Variants in BAIAP2L2 observed in about 807,000 individuals in gnomAD.
BAIAP2L2 encodes BAR/IMD domain containing adaptor protein 2 like 2.
In BAIAP2L2, 65 loss-of-function variants were observed where a neutral mutation model predicts 60.4. That is an observed-to-expected ratio of 1.08 (90% CI 0.88 to 1.32). The LOEUF is 1.32. BAIAP2L2 is among the 40% of genes most tolerant of loss of function. The probability of loss-of-function intolerance (pLI) is 0.00; values close to 1 mark genes in which losing one functional copy is unlikely to be tolerated. For synonymous variants in BAIAP2L2, 344 were observed against 301.7 expected, an observed-to-expected ratio of 1.14 and a Z score of -1.45; for missense variants, 836 against 741.2, an observed-to-expected ratio of 1.13 and a Z score of -1.48.
Position 38,098,115 on chromosome 22 carries a change from G to C in BAIAP2L2, c.413C>G (p.Ser138Cys), listed in dbSNP as rs753624045. ...HRAANLEKCM[S>C]ELWRMERKRD... is the part of the protein sequence containing the mutation. ...CTTGCGCTCCATGCGCCACAGCTCA[G>C]ACATGCACTTCTCCAGGTTGGCCGC... Residue 138 changes from serine (S) to cysteine (C), a missense_variant, in exon 6 of 14, where the codon TCT becomes TGT. Physicochemically the swap from Ser to Cys is moderately radical, Grantham distance 112. Coordinates refer to ENST00000381669, the MANE Select transcript of BAIAP2L2 (RefSeq NM_025045.6). 137 of 1,611,716 alleles carry C rather than the reference G, an allele frequency of 8.5e-5. No individual in the cohort carries two copies. Among genetic ancestry groups the C allele is most frequent in the Non-Finnish European group, 1.1e-4 (135 of 1,178,768 alleles).
chr22:38,086,856 T>A (rs561913008), intron 11 of BAIAP2L2, among the ~76,000 whole-genome samples: 1 of 150,408 alleles, frequency 6.6e-6, no homozygotes, highest in Non-Finnish European at 1.5e-5. Flanking sequence ...AGTAGCCAGG[T>A]GTGGTGGTGT....
chr22:38,096,547 C>A (rs1233452642), intron 7 of BAIAP2L2, among the ~76,000 whole-genome samples: 1 of 152,046 alleles, frequency 6.6e-6, no homozygotes. Context: ...CCCAGCTACT[C>A]GGGAGGCTGA....
At chr22:38,098,255 G>T in intron 5 of BAIAP2L2, 76 bp from the exon 6 acceptor site, 1 of 1,535,868 alleles carries the variant, frequency 6.5e-7, no homozygotes, top group Non-Finnish European at 9.0e-7. Flanking sequence ...AGAGATCAGG[G>T]CCCTGGAAGT....
At chr22:38,097,995 G>A (rs1466144731) in intron 6 of BAIAP2L2, 68 bp downstream of exon 6, 22 of 1,128,756 alleles carry the variant, frequency 1.9e-5, no homozygotes, top group African/African-American at 2.9e-5. Context: ...GGTTCCCAGG[G>A]CCCGGTCTCG....
At chr22:38,109,298 A>C in intron 1 of BAIAP2L2, 90 bp from the exon 2 acceptor site, 1 of 1,041,460 alleles carries the variant, frequency 9.6e-7, no homozygotes, top group Non-Finnish European at 1.5e-6. Flanking sequence ...GGCGTCAGGG[A>C]CAGGGCACCC....
At chr22:38,108,670 G>C (rs1338964591) in intron 2 of BAIAP2L2, among the ~76,000 whole-genome samples, 5 of 152,096 alleles carry the variant, frequency 3.3e-5, no homozygotes, top group Admixed American at 3.3e-4. Context: ...TTTGCACGGG[G>C]ACCGAGTGAA....
At position 38,085,267 on chromosome 22, in the gene BAIAP2L2, G is replaced by A. The variant is rs1044700396; in HGVS notation, c.*33C>T. On this transcript the variant is annotated 3_prime_UTR_variant, in exon 14 of 14. Transcript: ENST00000381669. ...GCCAGCTCTGAACAGCCCCTGGGCA[G>A]GTGCACTGTGGGGTACGACCTCGGA... 1.2e-6 allele frequency: 2 copies of A among 1,602,454 alleles called. No individual in the cohort carries two copies. The highest frequency in any genetic ancestry group is 8.5e-7 in the Non-Finnish European group (1 of 1,169,990).
chr22:38,087,210 A>C lies in BAIAP2L2; in HGVS notation c.1173T>G (p.Asn391Lys), dbSNP rs975130668. The C allele has an allele frequency of 4.4e-6, 7 of 1,599,014 alleles. No homozygotes were observed. In the African/African-American group the frequency reaches 9.6e-5, roughly 22 times the overall value. ...YVKALEEGPVNPMTPVTPMTS... is the reference protein window; with the variant it reads ...YVKALEEGPVKPMTPVTPMTS... Reference sequence around the variant, plus strand: ...TCATGGGGGTCACGGGGGTCATGGGATTCACGGGCCCCTCCTCCAGAGCCT... The same window carrying C: ...TCATGGGGGTCACGGGGGTCATGGGCTTCACGGGCCCCTCCTCCAGAGCCT... The change falls in exon 11 of 14, where the codon AAT (asparagine) becomes AAG (lysine). Residue 391 changes from asparagine to lysine, a missense_variant. By Grantham distance (94) the Asn-to-Lys change is moderately conservative. Transcript: ENST00000381669.
rs1395740117 is a variant in BAIAP2L2, at chr22:38,086,323, ACGGCTTGGCACC to A, written c.1374_1385del (p.Val459_Arg462del). 1 of 1,578,444 alleles carries A rather than the reference ACGGCTTGGCACC, an allele frequency of 6.3e-7. No homozygotes were observed. Among genetic ancestry groups the A allele is most frequent in the Non-Finnish European group, 8.6e-7 (1 of 1,157,560 alleles). ...AGGGTGGAGGTGCAGGGCTGGGGGC[ACGGCTTGGCACC>A]CGGCTTGGGGTGCGGGAGCGGGACT... On this transcript the variant is annotated inframe_deletion, in exon 12 of 14. Transcript: ENST00000381669.
chr22:38,104,781 C>T (rs1423590962), intron 4 of BAIAP2L2, among the ~76,000 whole-genome samples: 1 of 152,146 alleles, frequency 6.6e-6, no homozygotes, highest in Non-Finnish European at 1.5e-5. Flanking sequence ...CAGGCGTGAG[C>T]CACCACACCC....
At chr22:38,098,770 A>AT (rs2086503164) in intron 4 of BAIAP2L2, among the ~76,000 whole-genome samples, 2 of 152,126 alleles carry the variant, frequency 1.3e-5, no homozygotes, top group South Asian at 4.1e-4. Context: ...TTGTGCTTTG[A>AT]TGACATCATT....
rs546146061 is a variant in BAIAP2L2 at position 38,089,591 on chromosome 22, G to A, written c.696C>T (p.Pro232=). The A allele has an allele frequency of 8.9e-6, 11 of 1,234,574 alleles. No individual in the cohort carries two copies. Among genetic ancestry groups the A allele is most frequent in the African/African-American group, 1.6e-5 (1 of 64,406 alleles). 76.5% of individuals were successfully genotyped at this position (1,234,574 alleles called of 1,614,324 possible). A position where few individuals can be genotyped will look rare whatever the true frequency, so the allele number is the denominator to read the frequency against. ...ASRSPSRAHS[P]GLLGPALGPP... is the part of the protein sequence containing the mutation. ...GCCCCAGCGCGGGGCCCAGCAGGCC[G>A]GGGGAGTGGGCGCGCGACGGGCTGC... is the stretch of plus-strand genomic sequence containing the variant. Residue 232 remains proline, a synonymous_variant, in exon 8 of 14, where the codon CCC becomes CCT. Transcript: ENST00000381669.
rs1459842230 is a variant in BAIAP2L2 at position 38,087,126 on chromosome 22, G to A, written c.1257C>T (p.Ser419=). 1 of 1,571,422 alleles carries A rather than the reference G, an allele frequency of 6.4e-7. No homozygotes were observed. Among genetic ancestry groups the A allele is most frequent in the African/African-American group, 1.4e-5 (1 of 72,892 alleles). ...CCCACCCCTGATGACTCAGGTACCT[G>A]GAAGGCAGCTCGTTCCCGGGGTTCA... The part of the protein sequence containing the change: ...TPMNPGNELP[S]RSYPLRGSHS... Residue 419 remains serine, a splice_region_variant and synonymous_variant, in exon 11 of 14, where the codon TCC becomes TCT. Coordinates refer to ENST00000381669, the MANE Select transcript of BAIAP2L2 (RefSeq NM_025045.6).
rs907865096 is a variant in BAIAP2L2, at chr22:38,094,075, T to C, written c.612+2957A>G. On this transcript the variant is annotated intron_variant, in intron 7 of 13. Coordinates refer to ENST00000381669, the MANE Select transcript of BAIAP2L2 (RefSeq NM_025045.6). ...GCAAAAGAGCACACACATTGTATGA[T>C]TCTGTTTATATGAAATGTCCAGAAT... The C allele has an allele frequency of 1.6e-5, 7 of 448,718 alleles. 1 individual carries two copies. The highest frequency in any genetic ancestry group is 1.4e-4 in the African/African-American group (7 of 49,954). 27.8% of individuals were successfully genotyped at this position (448,718 alleles called of 1,614,324 possible).
chr22:38,106,810 C>G lies in BAIAP2L2; in HGVS notation c.276+1042G>C, dbSNP rs191822921. Reference sequence around the variant, plus strand: ...ATGCTCCCTTGGAAAGCCCTCTCTTCTCTCCATCTAGCCAAGCTGACTCCC... The same window carrying G: ...ATGCTCCCTTGGAAAGCCCTCTCTTGTCTCCATCTAGCCAAGCTGACTCCC... On this transcript the variant is annotated intron_variant, in intron 4 of 13. Coordinates refer to ENST00000381669, the MANE Select transcript of BAIAP2L2 (RefSeq NM_025045.6). 2.1e-3 allele frequency among the ~76,000 whole-genome samples: 323 copies of G among 152,338 alleles called. 2 individuals carry two copies. The highest frequency in any genetic ancestry group is 3.4e-3 in the Non-Finnish European group (228 of 68,042).
intron 7 of BAIAP2L2, among the ~76,000 whole-genome samples, chr22:38,095,628 G>C (rs934756467): frequency 2.0e-5 from 3 of 152,168 alleles, no homozygotes; most frequent in East Asian, 1.9e-4. Flanking sequence ...CGCTCCCAAA[G>C]TGTTGGGGTT....
chr22:38,089,001 A>G, intron 9 of BAIAP2L2, 37 bp from the exon 10 acceptor site: 1 of 1,470,684 alleles, frequency 6.8e-7, no homozygotes, highest in Non-Finnish European at 9.0e-7. Context: ...GTGGGCAGGA[A>G]GTTCTTCCTG....
At chr22:38,105,451 T>C (rs1349131324) in intron 4 of BAIAP2L2, among the ~76,000 whole-genome samples, 1 of 150,874 alleles carries the variant, frequency 6.6e-6, no homozygotes, top group Non-Finnish European at 1.5e-5. Context: ...GCGATTCTCC[T>C]GCCTCAGCCT....
intron 13 of BAIAP2L2, 129 bp from the exon 14 acceptor site, chr22:38,085,504 G>A: frequency 7.8e-7 from 1 of 1,285,988 alleles, no homozygotes; most frequent in Non-Finnish European, 1.1e-6. Context: ...TCCACTCCTT[G>A]CCCCGCTTCA....
Sources: gnomAD v4.1 joint callset for allele counts (sites outside exome capture counted in the v4.1 genomes callset) on GRCh38, gnomAD v4.1.1 for gene constraint, MANE v1.5 for transcripts, NCBI Gene and HGNC (gene_info 2026-07-23, HGNC 2026-07-21) for gene names.